The following APBB2 variants were observed in gnomAD, a reference collection of about 807,000 sequenced individuals.
The protein encoded by APBB2 is Fe65-like 1.
A neutral mutation model predicts 82.5 loss-of-function variants in APBB2; 38 were observed. The observed-to-expected ratio is 0.46, with a 90% CI of 0.36 to 0.60. The LOEUF is 0.60. Ranked by LOEUF, APBB2 falls within the 20% of genes least tolerant of loss-of-function variation. The probability of loss-of-function intolerance (pLI) is 0.00; values close to 1 mark genes in which losing one functional copy is unlikely to be tolerated. For synonymous variants in APBB2, 341 were observed against 368.2 expected (o/e 0.93, Z 0.85); for missense variants, 772 against 972.3 (o/e 0.79, Z 2.74).
intron 4 of APBB2, among the ~76,000 whole-genome samples, chr4:41,056,943 G>A (rs866016949): frequency 1.3e-5 from 2 of 152,246 alleles, no homozygotes; most frequent in Middle Eastern, 3.4e-3. Context: ...GGATTTATTG[G>A]TATTGAGTTC....
chr4:41,147,180 C>T (rs769689171), intron 1 of APBB2, among the ~76,000 whole-genome samples: 16 of 152,074 alleles, frequency 1.1e-4, no homozygotes, highest in Non-Finnish European at 2.4e-4. Context: ...GAGTATTGTT[C>T]CAGTAACACC....
intron 2 of APBB2, among the ~76,000 whole-genome samples, chr4:41,129,854 G>T (rs1168474111): frequency 3.3e-5 from 5 of 151,872 alleles, no homozygotes; most frequent in Admixed American, 1.3e-4. Context: ...AGAAGAGAGA[G>T]ACAATAACTT....
intron 6 of APBB2, among the ~76,000 whole-genome samples, chr4:40,987,729 T>C (rs1049888283): frequency 6.6e-6 from 1 of 152,202 alleles, no homozygotes; most frequent in East Asian, 1.9e-4. Flanking sequence ...ACCATCATGT[T>C]TGTGAGTGCC....
At chr4:41,049,345 A>G (rs1420129952) in intron 4 of APBB2, among the ~76,000 whole-genome samples, 1 of 80,980 alleles carries the variant, frequency 1.2e-5, no homozygotes, top group Non-Finnish European at 2.4e-5. Context: ...AGCGTCTCCG[A>G]CCGGCAGCCG....
chr4:40,958,923 T>G (rs567239343), intron 6 of APBB2, among the ~76,000 whole-genome samples: 47 of 152,310 alleles, frequency 3.1e-4, no homozygotes, highest in Non-Finnish European at 6.2e-4. Flanking sequence ...TTTATAATTT[T>G]AAAAAGTAGA....
chr4:40,935,701 C>T (rs528659605), intron 7 of APBB2: 2 of 151,032 alleles, frequency 1.3e-5, no homozygotes, highest in East Asian at 3.9e-4. Flanking sequence ...GGAAATTTAA[C>T]CTAACAAAAA....
intron 1 of APBB2, among the ~76,000 whole-genome samples, chr4:41,196,305 AAGTGCC>A: frequency 2.2e-4 from 34 of 152,330 alleles, no homozygotes; most frequent in Admixed American, 2.1e-3. Flanking sequence ...CACTGGGTGC[AAGTGCC>A]ACCAAAGTTC....
At chr4:41,001,227 A>G (rs1805140040) in intron 6 of APBB2, among the ~76,000 whole-genome samples, 1 of 152,008 alleles carries the variant, frequency 6.6e-6, no homozygotes, top group South Asian at 2.1e-4. Flanking sequence ...CCCCTACAAC[A>G]TTTTGGGGAA....
chr4:41,092,551 T>C (rs1214697763), intron 3 of APBB2, among the ~76,000 whole-genome samples: 1 of 152,066 alleles, frequency 6.6e-6, no homozygotes, highest in Non-Finnish European at 1.5e-5. Context: ...TAGCCAGGCA[T>C]GGTGGCGCGT....
chr4:41,071,542 G>A (rs569358932), intron 3 of APBB2, among the ~76,000 whole-genome samples: 2 of 152,036 alleles, frequency 1.3e-5, no homozygotes, highest in African/African-American at 4.8e-5. Flanking sequence ...TTAGCCAGGC[G>A]TGGTGGCGGG....
rs1491223078 is a variant in APBB2, at chr4:40,991,010, C to CTTTTTTTTTTTTTTTTTTTT, written c.835+22572_835+22573insAAAAAAAAAAAAAAAAAAAA. Among the ~76,000 whole-genome samples the CTTTTTTTTTTTTTTTTTTTT allele has an allele frequency of 9.3e-5, 12 of 128,652 alleles. 2 individuals carry two copies. Among genetic ancestry groups the CTTTTTTTTTTTTTTTTTTTT allele is most frequent in the South Asian group, 2.7e-4 (1 of 3,654 alleles). The allele number at this position is 128,652 out of a possible 152,430, so 84.4% of individuals were successfully genotyped here. On this transcript the variant is annotated intron_variant, in intron 6 of 17. Transcript: ENST00000508593. ...TTTCTGGTCATTTTGGACTGAGTTT[C>CTTTTTTTTTTTTTTTTTTTT]ATTTTTTTTTTTTTTGGAGGCAAGG...
chr4:40,820,768 C>G lies in APBB2; in HGVS notation c.2112+1103G>C, dbSNP rs184075754. Among the ~76,000 whole-genome samples the G allele has an allele frequency of 3.8e-3, 578 of 152,294 alleles. 6 individuals are homozygous for G. Among genetic ancestry groups the G allele is most frequent in the African/African-American group, 0.013 (542 of 41,558 alleles). On this transcript the variant is annotated intron_variant, in intron 17 of 17. Transcript: ENST00000508593. ...CCCCCACACGCCATCATCATAAGCC[C>G]GCCATGATCTGGACCGCACCTCCTT...
intron 3 of APBB2, among the ~76,000 whole-genome samples, chr4:41,079,333 T>C (rs1736706574): frequency 6.6e-6 from 1 of 152,330 alleles, no homozygotes; most frequent in South Asian, 2.1e-4. Context: ...GTTGCTTCTA[T>C]CCAAGAACCC....
intron 12 of APBB2, among the ~76,000 whole-genome samples, chr4:40,860,036 G>T (rs1052276799): frequency 2.0e-5 from 3 of 152,170 alleles, no homozygotes; most frequent in Admixed American, 6.5e-5. Flanking sequence ...CTGCAGCTTG[G>T]TGTTAAATAT....
chr4:40,969,363 C>T (rs1699354771), intron 6 of APBB2, among the ~76,000 whole-genome samples: 1 of 152,038 alleles, frequency 6.6e-6, no homozygotes, highest in African/African-American at 2.4e-5. Flanking sequence ...CTGTTTTTTG[C>T]AGGACTGTAT....
At chr4:41,004,563 G>A (rs749343481) in intron 6 of APBB2, among the ~76,000 whole-genome samples, 1 of 149,862 alleles carries the variant, frequency 6.7e-6, no homozygotes, top group Admixed American at 6.6e-5. Context: ...GCATGTGGCC[G>A]GGCACGATGG....
chr4:41,007,921 C>A (rs988941832), intron 6 of APBB2, among the ~76,000 whole-genome samples: 1 of 152,104 alleles, frequency 6.6e-6, no homozygotes, highest in Admixed American at 6.5e-5. Context: ...AACATGATAG[C>A]AGAAACTTAG....
intron 2 of APBB2, among the ~76,000 whole-genome samples, chr4:41,125,998 A>AGCTC (rs1230970859): frequency 6.6e-6 from 1 of 152,190 alleles, no homozygotes; most frequent in Non-Finnish European, 1.5e-5. Context: ...AGAAAGTTGT[A>AGCTC]AGATAAGCAC....
At chr4:40,944,664 C>T (rs1168573284) in intron 7 of APBB2, among the ~76,000 whole-genome samples, 2 of 152,036 alleles carry the variant, frequency 1.3e-5, no homozygotes, top group African/African-American at 2.4e-5. Context: ...GACCAAAAGC[C>T]ATTAAAAAAT....
Sources: allele counts gnomAD v4.1 joint callset (sites outside exome capture counted in the v4.1 genomes callset), GRCh38; gene constraint gnomAD v4.1.1; transcripts MANE v1.5; gene names NCBI Gene and HGNC (gene_info 2026-07-23, HGNC 2026-07-21).